CNTN5: variants seen among roughly 807,000 people sequenced by gnomAD.
The protein encoded by CNTN5 is contactin-5.
Under a neutral mutation model 129.1 loss-of-function variants are expected in CNTN5, and 77 were observed. The observed-to-expected ratio is 0.60, with a 90% CI of 0.50 to 0.72. CNTN5 has a LOEUF of 0.72. Among genes scored for constraint, CNTN5 ranks in the 30% least tolerant of loss-of-function variants. The pLI, the probability that CNTN5 is intolerant of heterozygous loss-of-function variation, is 0.00. For synonymous variants in CNTN5, 509 were observed against 465.6 expected, an observed-to-expected ratio of 1.09 and a Z score of -1.20; for missense variants, 1,478 against 1,328.8, an observed-to-expected ratio of 1.11 and a Z score of -1.75.
chr11:99,807,402 TCATCTATAGG>T (rs1173466638), intron 3 of CNTN5, among the ~76,000 whole-genome samples: 2 of 152,192 alleles, frequency 1.3e-5, no homozygotes, highest in Admixed American at 1.3e-4. Flanking sequence ...ACAGATAAAT[TCATCTATAGG>T]GATAGGGTTG....
At chr11:100,280,885 T>A (rs2138817393) in intron 18 of CNTN5, among the ~76,000 whole-genome samples, 1 of 152,272 alleles carries the variant, frequency 6.6e-6, no homozygotes, top group South Asian at 2.1e-4. Context: ...TTGCAAATAC[T>A]GGCTTATAAC....
chr11:99,368,108 C>G (rs1939571082), intron 2 of CNTN5, among the ~76,000 whole-genome samples: 1 of 152,076 alleles, frequency 6.6e-6, no homozygotes, highest in African/African-American at 2.4e-5. Context: ...CTTGAAAAAA[C>G]TGGAATCATA....
chr11:100,320,384 A>G (rs144280818), intron 21 of CNTN5, among the ~76,000 whole-genome samples: 1,579 of 152,060 alleles, frequency 0.01, 24 homozygotes, highest in African/African-American at 0.036. Flanking sequence ...CCATTTTTTA[A>G]TCGGTTAATT....
intron 1 of CNTN5, among the ~76,000 whole-genome samples, chr11:99,250,218 C>A (rs915878453): frequency 9.2e-5 from 14 of 151,924 alleles, no homozygotes; most frequent in Non-Finnish European, 1.3e-4. Context: ...TTCCAAAAAT[C>A]AATTAACTTA....
chr11:99,664,427 C>T (rs1168328697), intron 3 of CNTN5, among the ~76,000 whole-genome samples: 1 of 152,018 alleles, frequency 6.6e-6, no homozygotes, highest in Non-Finnish European at 1.5e-5. Context: ...CTCCAGGATC[C>T]AGAAAAGGCC....
At chr11:100,217,408 C>G (rs1488238794) in intron 15 of CNTN5, among the ~76,000 whole-genome samples, 1 of 152,150 alleles carries the variant, frequency 6.6e-6, no homozygotes, top group African/African-American at 2.4e-5. Flanking sequence ...AAATGACAGT[C>G]TACCAAGTTC....
chr11:99,845,366 C>CTTTTTTTTTTTTTTTTTTTTT (rs869305728), intron 6 of CNTN5, 104 bp downstream of exon 6: 2 of 85,464 alleles, frequency 2.3e-5, no homozygotes, highest in Admixed American at 2.1e-4. Context: ...GATCTCAAAT[C>CTTTTTTTTTTTTTTTTTTTTT]TTTTTTTTTT....
At chr11:99,047,862 G>C (rs774391222) in intron 1 of CNTN5, among the ~76,000 whole-genome samples, 13 of 151,954 alleles carry the variant, frequency 8.6e-5, no homozygotes, top group Non-Finnish European at 1.3e-4. Flanking sequence ...TTCAATAGTT[G>C]TGCAAATTGA....
At chr11:99,764,828 G>T (rs550353739) in intron 3 of CNTN5, among the ~76,000 whole-genome samples, 1 of 152,072 alleles carries the variant, frequency 6.6e-6, no homozygotes, top group Non-Finnish European at 1.5e-5. Flanking sequence ...CAGATTTCAC[G>T]TGCCTAGTAA....
intron 2 of CNTN5, among the ~76,000 whole-genome samples, chr11:99,427,416 G>C (rs1008040360): frequency 6.6e-6 from 1 of 152,090 alleles, no homozygotes; most frequent in African/African-American, 2.4e-5. Context: ...TTCTCAAAGG[G>C]GAGAGAAAGC....
chr11:100,230,188 T>C (rs1949459930), intron 16 of CNTN5, among the ~76,000 whole-genome samples: 6 of 152,196 alleles, frequency 3.9e-5, no homozygotes, highest in Admixed American at 3.9e-4. Context: ...AAAACACAGC[T>C]ATAAAATGTC....
chr11:99,841,793 A>G (rs1393855213), intron 4 of CNTN5, among the ~76,000 whole-genome samples: 35 of 536 alleles, frequency 0.065, no homozygotes, highest in African/African-American at 0.21. Flanking sequence ...ATATATATAT[A>G]TATATATGTG....
At chr11:99,880,187 TATCATGGAAA>T (rs1948736126) in intron 6 of CNTN5, among the ~76,000 whole-genome samples, 1 of 152,206 alleles carries the variant, frequency 6.6e-6, no homozygotes, top group Non-Finnish European at 1.5e-5. Context: ...AAACATTTTA[TATCATGGAAA>T]ATCATGAAAA....
At chr11:100,154,729 A>T (rs1441935468) in intron 13 of CNTN5, among the ~76,000 whole-genome samples, 1 of 152,078 alleles carries the variant, frequency 6.6e-6, no homozygotes, top group African/African-American at 2.4e-5. Context: ...CTGGCATGAG[A>T]TGGTATCTCA....
chr11:100,002,717 G>A (rs1055587422), intron 9 of CNTN5, among the ~76,000 whole-genome samples: 1 of 152,042 alleles, frequency 6.6e-6, no homozygotes. Context: ...ATTTCTGAGG[G>A]TTTACAGCCC....
At chr11:99,789,086 A>T (rs1945643453) in intron 3 of CNTN5, among the ~76,000 whole-genome samples, 1 of 151,940 alleles carries the variant, frequency 6.6e-6, no homozygotes, top group African/African-American at 2.4e-5. Flanking sequence ...AACAAAAAAA[A>T]ATTATAAGAA....
intron 7 of CNTN5, among the ~76,000 whole-genome samples, chr11:99,945,912 T>A (rs1021761386): frequency 6.6e-6 from 1 of 152,004 alleles, no homozygotes; most frequent in Admixed American, 6.6e-5. Context: ...AACACCAGTG[T>A]TTAAGCTTTT....
At chr11:99,320,689 T>C (rs1865531692) in intron 1 of CNTN5, among the ~76,000 whole-genome samples, 1 of 152,206 alleles carries the variant, frequency 6.6e-6, no homozygotes, top group African/African-American at 2.4e-5. Context: ...AGATATCTTT[T>C]TTTATTCAAT....
chr11:99,573,775 A>G (rs1408193860), intron 3 of CNTN5, among the ~76,000 whole-genome samples: 1 of 151,408 alleles, frequency 6.6e-6, no homozygotes, highest in Non-Finnish European at 1.5e-5. Flanking sequence ...TCTTCTTTTC[A>G]TTGGCCATGC....
Sources: allele counts gnomAD v4.1 joint callset (sites outside exome capture counted in the v4.1 genomes callset), GRCh38; gene constraint gnomAD v4.1.1; transcripts MANE v1.5; gene names NCBI Gene and HGNC (gene_info 2026-07-23, HGNC 2026-07-21).